Variants in ARHGAP10 observed in about 807,000 individuals in gnomAD.
ARHGAP10 encodes rho GTPase-activating protein 10.
Under a neutral mutation model 108.6 loss-of-function variants are expected in ARHGAP10, and 87 were observed. The observed-to-expected ratio is 0.80, with a 90% CI of 0.67 to 0.96. ARHGAP10 has a LOEUF of 0.96. ARHGAP10 is among the 40% of genes least tolerant of loss of function. The pLI is 0.00. For missense variants in ARHGAP10, 939 were observed against 954.5 expected, an observed-to-expected ratio of 0.98 and a Z score of 0.21; for synonymous variants, 347 against 341.1, an observed-to-expected ratio of 1.02 and a Z score of -0.19.
At chr4:147,975,926 CTT>C (rs893204684) in intron 18 of ARHGAP10, among the ~76,000 whole-genome samples, 2 of 152,212 alleles carry the variant, frequency 1.3e-5, no homozygotes, top group Admixed American at 1.3e-4. Flanking sequence ...ATCTACCTCT[CTT>C]TGCCACGATC....
At position 147,966,666 on chromosome 4, in the gene ARHGAP10, C is replaced by G. The variant is rs1739214430; in HGVS notation, c.1557-14C>G. ...CTTTGGTTAAACAGATTCCTCCCCCCTTACCAATTTCAGTGTTTCAAATCA... is the reference window on the plus strand; with the variant it reads ...CTTTGGTTAAACAGATTCCTCCCCCGTTACCAATTTCAGTGTTTCAAATCA... On this transcript the variant is annotated splice_polypyrimidine_tract_variant and intron_variant, in intron 17 of 22. Transcript: ENST00000336498. 2.6e-6 allele frequency: 4 copies of G among 1,550,506 alleles called. No individual in the cohort carries two copies. Among genetic ancestry groups the G allele is most frequent in the Admixed American group, 3.6e-5 (2 of 55,840 alleles).
intron 1 of ARHGAP10, among the ~76,000 whole-genome samples, chr4:147,818,249 C>T (rs964127432): frequency 6.6e-6 from 1 of 150,682 alleles, no homozygotes; most frequent in African/African-American, 2.4e-5. Context: ...AGTCAATTAG[C>T]GTAGAGCAGG....
At chr4:147,744,963 A>C (rs138110063) in intron 1 of ARHGAP10, among the ~76,000 whole-genome samples, 1 of 152,094 alleles carries the variant, frequency 6.6e-6, no homozygotes, top group South Asian at 2.1e-4. Flanking sequence ...GGGTCAGGGC[A>C]AATCCGGAGG....
At chr4:147,857,816 C>A in intron 5 of ARHGAP10, 162 bp downstream of exon 5, 3 of 555,952 alleles carry the variant, frequency 5.4e-6, no homozygotes, top group Non-Finnish European at 8.0e-6. Flanking sequence ...CCTTGTGAAA[C>A]AAGAAAAAAT....
chr4:147,788,859 C>T (rs1162718204), intron 1 of ARHGAP10, among the ~76,000 whole-genome samples: 1 of 152,134 alleles, frequency 6.6e-6, no homozygotes, highest in East Asian at 1.9e-4. Context: ...TATTAAGCTA[C>T]AAGCTGTACA....
intron 8 of ARHGAP10, among the ~76,000 whole-genome samples, chr4:147,875,514 C>G (rs1010225845): frequency 6.6e-6 from 1 of 152,198 alleles, no homozygotes; most frequent in Non-Finnish European, 1.5e-5. Flanking sequence ...CCCCTCACCT[C>G]TACCCTCATC....
At chr4:147,784,484 ATATTT>A (rs1160175205) in intron 1 of ARHGAP10, among the ~76,000 whole-genome samples, 1 of 121,874 alleles carries the variant, frequency 8.2e-6, no homozygotes, top group Non-Finnish European at 1.6e-5. Flanking sequence ...ATTTATATAT[ATATTT>A]AATTTATATA....
chr4:147,772,495 A>G (rs1357806519), intron 1 of ARHGAP10, among the ~76,000 whole-genome samples: 4 of 152,214 alleles, frequency 2.6e-5, no homozygotes, highest in Non-Finnish European at 5.9e-5. Flanking sequence ...GTATAGGCTT[A>G]TTGACTTAAT....
rs544509889 is a variant in ARHGAP10, at chr4:147,757,866, C to T, written c.154+25411C>T. ...CCTTCCCTGGGATCTGGTGCCCATC[C>T]CTGTCCAGTCACCTGTGATACAGAA... is the stretch of plus-strand genomic sequence containing the variant. On this transcript the variant is annotated intron_variant, in intron 1 of 22. Transcript: ENST00000336498. 2.6e-5 allele frequency among the ~76,000 whole-genome samples: 4 copies of T among 152,286 alleles called. 1 individual carries two copies. In the South Asian group the frequency reaches 8.3e-4, roughly 32 times the overall value.
intron 7 of ARHGAP10, among the ~76,000 whole-genome samples, chr4:147,871,584 G>C (rs574370333): frequency 4.6e-4 from 70 of 152,296 alleles, no homozygotes; most frequent in African/African-American, 1.7e-3. Context: ...TTATTGGAAA[G>C]ATAGCATTAG....
At chr4:147,940,641 A>G (rs1307566751) in intron 14 of ARHGAP10, among the ~76,000 whole-genome samples, 2 of 152,184 alleles carry the variant, frequency 1.3e-5, no homozygotes, top group South Asian at 2.1e-4. Flanking sequence ...ATCTTGCTAC[A>G]TATTAATTTA....
chr4:148,064,359 G>C, intron 21 of ARHGAP10, 57 bp from the exon 22 acceptor site: 3 of 1,541,912 alleles, frequency 1.9e-6, no homozygotes, highest in South Asian at 1.2e-5. Context: ...GGGGGGTGAA[G>C]TTTCTCTCTG....
chr4:148,038,703 A>G (rs1728488273), intron 19 of ARHGAP10, among the ~76,000 whole-genome samples: 1 of 152,166 alleles, frequency 6.6e-6, no homozygotes, highest in African/African-American at 2.4e-5. Flanking sequence ...AAAGATAGAA[A>G]ATGCAGGGTG....
intron 20 of ARHGAP10, among the ~76,000 whole-genome samples, chr4:148,058,073 A>G (rs1197879692): frequency 6.6e-6 from 1 of 152,234 alleles, no homozygotes; most frequent in Non-Finnish European, 1.5e-5. Flanking sequence ...CCTGGCACTT[A>G]AGGAATAACT....
chr4:147,786,087 T>G (rs1005102542), intron 1 of ARHGAP10, among the ~76,000 whole-genome samples: 1 of 152,136 alleles, frequency 6.6e-6, no homozygotes, highest in Non-Finnish European at 1.5e-5. Flanking sequence ...GGTGCATGGT[T>G]GCTTTTTTGG....
intron 16 of ARHGAP10, among the ~76,000 whole-genome samples, chr4:147,960,897 A>C (rs1291067540): frequency 6.6e-6 from 1 of 152,214 alleles, no homozygotes; most frequent in African/African-American, 2.4e-5. Context: ...TGAAACATTC[A>C]TTCATTTTCA....
chr4:148,052,392 C>CTTTTTT (rs35449374), intron 20 of ARHGAP10, among the ~76,000 whole-genome samples: 39 of 90,704 alleles, frequency 4.3e-4, no homozygotes, highest in African/African-American at 1.6e-3. Flanking sequence ...TGCACATTTG[C>CTTTTTT]TTTTTTTTTT....
intron 18 of ARHGAP10, among the ~76,000 whole-genome samples, chr4:147,969,324 CTTTTTTTTT>C (rs61078731): frequency 2.1e-5 from 2 of 93,832 alleles, no homozygotes; most frequent in African/African-American, 4.2e-5. Context: ...TTTGTTTTGC[CTTTTTTTTT>C]TTTTTTTTTT....
chr4:148,011,676 G>A (rs1225680137), intron 18 of ARHGAP10, among the ~76,000 whole-genome samples: 1 of 152,226 alleles, frequency 6.6e-6, no homozygotes, highest in Non-Finnish European at 1.5e-5. Flanking sequence ...TCCACCTCTT[G>A]ACGGAAAGAG....
Sources: gnomAD v4.1 joint callset for allele counts (sites outside exome capture counted in the v4.1 genomes callset) on GRCh38, gnomAD v4.1.1 for gene constraint, MANE v1.5 for transcripts, NCBI Gene and HGNC (gene_info 2026-07-23, HGNC 2026-07-21) for gene names.